DENND1A: variants seen among roughly 807,000 people sequenced by gnomAD.
The protein encoded by DENND1A is DENN domain containing 1A, also known as DENN domain-containing protein 1A.
Under a neutral mutation model 113.7 loss-of-function variants are expected in DENND1A, and 51 were observed. The ratio of observed to expected loss-of-function variants is 0.45; its 90% CI spans 0.36 to 0.57. The LOEUF is 0.57. DENND1A is among the 20% of genes least tolerant of loss of function. DENND1A has a pLI of 0.00. For synonymous variants in DENND1A, 565 were observed against 570.8 expected, an observed-to-expected ratio of 0.99 and a Z score of 0.14; for missense variants, 1,258 against 1,395.9, an observed-to-expected ratio of 0.90 and a Z score of 1.57.
chr9:123,607,921 T>C (rs1026542821), intron 11 of DENND1A, among the ~76,000 whole-genome samples: 2 of 151,958 alleles, frequency 1.3e-5, no homozygotes, highest in African/African-American at 2.4e-5. Context: ...ATAGACCAAA[T>C]AGTCGTTATA....
chr9:123,438,478 A>T (rs1362964322), intron 19 of DENND1A, among the ~76,000 whole-genome samples: 1 of 152,166 alleles, frequency 6.6e-6, no homozygotes, highest in Non-Finnish European at 1.5e-5. Context: ...CTTTGACAGC[A>T]CGTCTCAATT....
At chr9:123,846,116 G>A (rs1158017846) in intron 2 of DENND1A, among the ~76,000 whole-genome samples, 1 of 152,126 alleles carries the variant, frequency 6.6e-6, no homozygotes, top group Non-Finnish European at 1.5e-5. Context: ...AGGCATTAGA[G>A]AAAGGCAAAT....
intron 18 of DENND1A, among the ~76,000 whole-genome samples, 168 bp from the exon 19 acceptor site, chr9:123,440,659 A>C (rs1027390256): frequency 1.3e-5 from 2 of 152,262 alleles, no homozygotes; most frequent in African/African-American, 4.8e-5. Context: ...TTTGACTTTT[A>C]AGAACTAGAG....
chr9:123,706,145 C>CT (rs368559777), intron 5 of DENND1A, among the ~76,000 whole-genome samples: 3,735 of 133,104 alleles, frequency 0.028, 75 homozygotes, highest in Non-Finnish European at 0.041. Context: ...GATATTTTTT[C>CT]TTTTTTTTTT....
In DENND1A at chr9:123,383,907, C is replaced by T; in HGVS notation, c.1767G>A (p.Gln589=). Residue 589 remains glutamine (Q), a synonymous_variant, in exon 23 of 24, where the codon CAG becomes CAA. Coordinates refer to ENST00000394215, the MANE Select transcript of DENND1A (RefSeq NM_001352964.2). ...CTGACTCCCTGAGTGTCCGATACGG[C>T]TGCGGCCTGTCGGGGACAGAGCAGG... The part of the protein sequence containing the change: ...FFFSAPFEWP[Q]PYRTLRESDS... 1 of 1,609,276 alleles carries T rather than the reference C, an allele frequency of 6.2e-7. No individual in the cohort carries two copies. Among genetic ancestry groups the T allele is most frequent in the South Asian group, 1.1e-5 (1 of 90,994 alleles).
intron 5 of DENND1A, among the ~76,000 whole-genome samples, chr9:123,695,457 T>C (rs2065448753): frequency 6.6e-6 from 1 of 152,014 alleles, no homozygotes; most frequent in African/African-American, 2.4e-5. Flanking sequence ...ACACTATAGA[T>C]TCTAAAGAAT....
intron 11 of DENND1A, among the ~76,000 whole-genome samples, chr9:123,603,521 G>A (rs1234118460): frequency 2.0e-5 from 3 of 152,130 alleles, no homozygotes; most frequent in Non-Finnish European, 4.4e-5. Context: ...CCATGGCTAA[G>A]CATTCCTAGG....
intron 1 of DENND1A, among the ~76,000 whole-genome samples, chr9:123,912,768 C>T (rs1221377426): frequency 1.3e-5 from 2 of 152,160 alleles, no homozygotes; most frequent in African/African-American, 2.4e-5. Context: ...CCCTTTCCCA[C>T]GTCCACTTGG....
intron 1 of DENND1A, among the ~76,000 whole-genome samples, chr9:123,885,282 A>T (rs976255687): frequency 1.3e-5 from 2 of 152,226 alleles, no homozygotes; most frequent in Admixed American, 6.5e-5. Flanking sequence ...TCCAAAGTAC[A>T]GTCAAGGTTG....
At chr9:123,491,519 G>A (rs1295798471) in intron 13 of DENND1A, among the ~76,000 whole-genome samples, 1 of 152,154 alleles carries the variant, frequency 6.6e-6, no homozygotes, top group Non-Finnish European at 1.5e-5. Context: ...TATAAGTGAG[G>A]GTCTGCCATG....
chr9:123,776,147 G>C (rs1830439378), intron 3 of DENND1A, among the ~76,000 whole-genome samples: 1 of 152,136 alleles, frequency 6.6e-6, no homozygotes, highest in Non-Finnish European at 1.5e-5. Context: ...ACCCGTCGGT[G>C]GCATAAGTGT....
At chr9:123,765,936 AAG>A (rs1196733524) in intron 4 of DENND1A, among the ~76,000 whole-genome samples, 1 of 152,146 alleles carries the variant, frequency 6.6e-6, no homozygotes, top group Non-Finnish European at 1.5e-5. Flanking sequence ...GACCATAAGC[AAG>A]TCATTTCACC....
intron 1 of DENND1A, among the ~76,000 whole-genome samples, chr9:123,923,330 C>T (rs12115297): frequency 0.092 from 14,007 of 152,186 alleles, 1,055 homozygotes; most frequent in African/African-American, 0.21. Flanking sequence ...TGAGCACTAA[C>T]GATGGAGAGC....
At chr9:123,389,997 C>G (rs887463204) in intron 21 of DENND1A, among the ~76,000 whole-genome samples, 2 of 152,232 alleles carry the variant, frequency 1.3e-5, no homozygotes, top group African/African-American at 2.4e-5. Context: ...ACACTGGGCC[C>G]TGGATATTCC....
chr9:123,682,413 T>A (rs771588521), intron 5 of DENND1A, among the ~76,000 whole-genome samples: 32 of 152,118 alleles, frequency 2.1e-4, no homozygotes, highest in Middle Eastern at 3.2e-3. Flanking sequence ...CTTGCTACTG[T>A]CTGAGGAGCT....
At chr9:123,404,244 C>T (rs1370810689) in intron 20 of DENND1A, among the ~76,000 whole-genome samples, 1 of 152,212 alleles carries the variant, frequency 6.6e-6, no homozygotes, top group Non-Finnish European at 1.5e-5. Context: ...CAGAGAAAGA[C>T]ACCCTCATCC....
intron 1 of DENND1A, among the ~76,000 whole-genome samples, chr9:123,895,962 T>G (rs573395582): frequency 6.6e-6 from 1 of 152,042 alleles, no homozygotes; most frequent in South Asian, 2.1e-4. Flanking sequence ...GAAAGGGAAA[T>G]TTTTCCACCA....
Position 123,804,921 on chromosome 9 carries a change from C to G in DENND1A, c.89-12291G>C, listed in dbSNP as rs1042506812. Reference sequence around the variant, plus strand: ...TAGAGGAATCCTGTAAAACTCAATACAGGGCCTCCTCTACAACGTCCTCCC... The same window carrying G: ...TAGAGGAATCCTGTAAAACTCAATAGAGGGCCTCCTCTACAACGTCCTCCC... On this transcript the variant is annotated intron_variant, in intron 2 of 23. Transcript: ENST00000394215. Among the ~76,000 whole-genome samples the G allele has an allele frequency of 6.6e-5, 10 of 152,232 alleles. 1 individual carries two copies. The highest frequency in any genetic ancestry group is 6.5e-5 in the Admixed American group (1 of 15,286).
intron 5 of DENND1A, among the ~76,000 whole-genome samples, chr9:123,750,197 C>T (rs771251671): frequency 7.9e-5 from 12 of 152,172 alleles, no homozygotes; most frequent in Admixed American, 2.0e-4. Flanking sequence ...AGGGCAGTTT[C>T]GGCTATTTCT....
Sources: allele counts gnomAD v4.1 joint callset (sites outside exome capture counted in the v4.1 genomes callset), GRCh38; gene constraint gnomAD v4.1.1; transcripts MANE v1.5; gene names NCBI Gene and HGNC (gene_info 2026-07-23, HGNC 2026-07-21).